Variants in AKAP6 observed in about 807,000 individuals in gnomAD.
AKAP6 encodes the protein A-kinase anchor protein 6.
A neutral mutation model predicts 188.5 loss-of-function variants in AKAP6; 58 were observed. That is an observed-to-expected ratio of 0.31 (90% CI 0.25 to 0.38). AKAP6 has a LOEUF of 0.38. AKAP6 is among the 10% of genes least tolerant of loss of function. The pLI, the probability that AKAP6 is intolerant of heterozygous loss-of-function variation, is 1.00. For missense variants in AKAP6, 2,710 were observed against 2,740.0 expected (o/e 0.99, Z 0.24); for synonymous variants, 989 against 998.6 (o/e 0.99, Z 0.18).
At chr14:32,630,037 A>T (rs919404604) in intron 7 of AKAP6, among the ~76,000 whole-genome samples, 9 of 152,164 alleles carry the variant, frequency 5.9e-5, no homozygotes, top group African/African-American at 1.9e-4. Context: ...TTAAATGACC[A>T]TTTCTGTGTG....
intron 4 of AKAP6, among the ~76,000 whole-genome samples, chr14:32,555,838 A>G (rs529357260): frequency 6.6e-6 from 1 of 152,226 alleles, no homozygotes; most frequent in Non-Finnish European, 1.5e-5. Flanking sequence ...TTATCCATTC[A>G]TCTGCCAGTG....
rs141253830 is a variant in AKAP6 at position 32,439,514 on chromosome 14, C to T, written c.324+5697C>T. Among the ~76,000 whole-genome samples the T allele has an allele frequency of 3.1e-3, 466 of 152,256 alleles. 2 individuals carry two copies. The highest frequency in any genetic ancestry group is 0.023 in the East Asian group (120 of 5,170). On this transcript the variant is annotated intron_variant, in intron 2 of 13. Coordinates refer to ENST00000280979, the MANE Select transcript of AKAP6 (RefSeq NM_004274.5). ...TATGGTTGTGACTTGGAGGACCTCC[C>T]CAGTGGCTGAAGCCAACTTTCCCCT... is the stretch of plus-strand genomic sequence containing the variant.
intron 2 of AKAP6, among the ~76,000 whole-genome samples, chr14:32,487,117 A>G (rs921826500): frequency 1.3e-5 from 2 of 152,202 alleles, no homozygotes; most frequent in African/African-American, 4.8e-5. Context: ...GATGGATGAC[A>G]TTTATTGATT....
rs751154769 is a variant in AKAP6 at position 32,688,400 on chromosome 14, A to T, written c.2880-7590A>T. Among the ~76,000 whole-genome samples, 64 of 152,260 alleles carry T rather than the reference A, an allele frequency of 4.2e-4. No homozygotes were observed. In the Middle Eastern group the frequency reaches 0.014, roughly 32 times the overall value. ...TCTGAGTCAACTTACAAAAATATTG[A>T]CAGTAAAATAGAATAAATATTAGAC... On this transcript the variant is annotated intron_variant, in intron 8 of 13. Transcript: ENST00000280979.
At chr14:32,571,318 A>G (rs1594752351) in intron 4 of AKAP6, among the ~76,000 whole-genome samples, 1 of 151,950 alleles carries the variant, frequency 6.6e-6, no homozygotes, top group African/African-American at 2.4e-5. Context: ...GAGGCCAGGA[A>G]TTTGAGACCA....
chr14:32,723,801 A>T (rs2030696149), intron 9 of AKAP6, among the ~76,000 whole-genome samples: 1 of 152,122 alleles, frequency 6.6e-6, no homozygotes, highest in South Asian at 2.1e-4. Context: ...GTCTTTATTT[A>T]AAAAAATAGT....
At chr14:32,523,021 T>G (rs1302693857) in intron 2 of AKAP6, among the ~76,000 whole-genome samples, 1 of 152,162 alleles carries the variant, frequency 6.6e-6, no homozygotes, top group Non-Finnish European at 1.5e-5. Flanking sequence ...TTCATGTCCT[T>G]TGTAGGGACA....
intron 7 of AKAP6, among the ~76,000 whole-genome samples, chr14:32,642,126 C>T (rs1393418087): frequency 6.6e-6 from 1 of 152,058 alleles, no homozygotes; most frequent in African/African-American, 2.4e-5. Context: ...ATTTTATTTG[C>T]TTTTTCCTGT....
chr14:32,585,517 T>A (rs970200143), intron 5 of AKAP6, among the ~76,000 whole-genome samples: 1 of 152,092 alleles, frequency 6.6e-6, no homozygotes, highest in East Asian at 1.9e-4. Flanking sequence ...TGTGTGTGTA[T>A]GTACAACACA....
At chr14:32,588,897 A>G (rs964888046) in intron 5 of AKAP6, among the ~76,000 whole-genome samples, 8 of 152,218 alleles carry the variant, frequency 5.3e-5, no homozygotes, top group Non-Finnish European at 7.3e-5. Flanking sequence ...AGAAAAACCA[A>G]TATACTTCTT....
At chr14:32,729,212 A>C (rs2031044773) in intron 9 of AKAP6, among the ~76,000 whole-genome samples, 1 of 152,084 alleles carries the variant, frequency 6.6e-6, no homozygotes, top group East Asian at 1.9e-4. Context: ...GGTGACAATT[A>C]ACACTGTTTC....
chr14:32,467,977 T>G (rs1046312982), intron 2 of AKAP6, among the ~76,000 whole-genome samples: 1 of 152,136 alleles, frequency 6.6e-6, no homozygotes. Flanking sequence ...AAGGGACTTT[T>G]CAATTGCTGG....
At chr14:32,727,810 C>G (rs1268543884) in intron 9 of AKAP6, among the ~76,000 whole-genome samples, 1 of 152,186 alleles carries the variant, frequency 6.6e-6, no homozygotes, top group Non-Finnish European at 1.5e-5. Context: ...ATAAATTCTA[C>G]TGGTAAAATA....
At chr14:32,607,004 TTTTG>T (rs753935057) in intron 7 of AKAP6, among the ~76,000 whole-genome samples, 26 of 152,218 alleles carry the variant, frequency 1.7e-4, no homozygotes, top group South Asian at 8.3e-4. Flanking sequence ...TAGCATGTGT[TTTTG>T]TTTGTTTGTT....
At chr14:32,597,454 G>A (rs1285204529) in intron 5 of AKAP6, among the ~76,000 whole-genome samples, 1 of 152,164 alleles carries the variant, frequency 6.6e-6, no homozygotes, top group Non-Finnish European at 1.5e-5. Context: ...ATCTCATTCT[G>A]CATGGCATTG....
intron 11 of AKAP6, 70 bp downstream of exon 11, chr14:32,735,952 A>T: frequency 8.6e-7 from 1 of 1,162,704 alleles, no homozygotes; most frequent in Non-Finnish European, 1.2e-6. Context: ...TATCAAGTAC[A>T]TGAAGTATTA....
intron 2 of AKAP6, among the ~76,000 whole-genome samples, chr14:32,462,018 C>T (rs1891342588): frequency 6.6e-6 from 1 of 151,408 alleles, no homozygotes; most frequent in South Asian, 2.1e-4. Context: ...GGTGTGAAGA[C>T]AAGATTAGAG....
At chr14:32,819,779 G>A (rs906287282) in intron 12 of AKAP6, among the ~76,000 whole-genome samples, 4 of 151,896 alleles carry the variant, frequency 2.6e-5, no homozygotes, top group African/African-American at 7.3e-5. Flanking sequence ...GTGACACCCT[G>A]TCTCTACAAA....
At chr14:32,732,694 T>A (rs2031237172) in intron 10 of AKAP6, 94 bp downstream of exon 10, 1 of 1,390,310 alleles carries the variant, frequency 7.2e-7, no homozygotes, top group African/African-American at 1.4e-5. Context: ...CACAAATATC[T>A]CTCTCTTTCA....
Sources: allele counts gnomAD v4.1 joint callset (sites outside exome capture counted in the v4.1 genomes callset), GRCh38; gene constraint gnomAD v4.1.1; transcripts MANE v1.5; gene names NCBI Gene and HGNC (gene_info 2026-07-23, HGNC 2026-07-21).